Variants in KANSL1L observed in about 807,000 individuals in gnomAD.
KANSL1L encodes KAT8 regulatory NSL complex subunit 1 like.
KANSL1L carries 25 observed loss-of-function variants against 108.6 expected under a neutral mutation model. The ratio of observed to expected loss-of-function variants is 0.23; its 90% confidence interval spans 0.17 to 0.32. The LOEUF (loss-of-function observed/expected upper bound fraction) is 0.32, where lower values mean the gene tolerates loss of function less well. KANSL1L is among the 10% of genes least tolerant of loss of function. KANSL1L has a pLI of 1.00. For synonymous variants in KANSL1L, 405 were observed against 395.1 expected, an observed-to-expected ratio of 1.03 and a Z score of -0.30; for missense variants, 1,137 against 1,125.7, an observed-to-expected ratio of 1.01 and a Z score of -0.14.
chr2:210,066,427 G>C (rs2094467474), intron 6 of KANSL1L, among the ~76,000 whole-genome samples: 1 of 152,198 alleles, frequency 6.6e-6, no homozygotes, highest in South Asian at 2.1e-4. Context: ...AAAACAACGG[G>C]GATAGGCTAC....
intron 5 of KANSL1L, among the ~76,000 whole-genome samples, chr2:210,079,353 T>C (rs1304641394): frequency 2.6e-5 from 4 of 151,686 alleles, no homozygotes; most frequent in Non-Finnish European, 2.9e-5. Context: ...TCCAGCACTT[T>C]GGGAGGCCAA....
At chr2:210,025,248 T>A in intron 12 of KANSL1L, 32 bp from the exon 13 acceptor site, 1 of 1,310,434 alleles carries the variant, frequency 7.6e-7, no homozygotes, top group Non-Finnish European at 1.1e-6. Context: ...TTTGTTTTAA[T>A]CAGAAACATT....
chr2:210,140,014 C>A (rs931245186), intron 2 of KANSL1L, among the ~76,000 whole-genome samples: 3 of 152,022 alleles, frequency 2.0e-5, no homozygotes, highest in Admixed American at 2.0e-4. Flanking sequence ...GGCCACTTTG[C>A]CCATTTTTTA....
At position 210,022,029 on chromosome 2, in the gene KANSL1L, C is replaced by CTGA. The variant is rs772963059; in HGVS notation, c.*917_*919dup. On this transcript the variant is annotated 3_prime_UTR_variant, in exon 15 of 15. Transcript: ENST00000281772. ...TTTTTTTTTTTTTTCAAATTTTATA[C>CTGA]TGATAGGGCTTTACTGTTTGTGGCT... 1 of 141,842 alleles carries CTGA rather than the reference C, an allele frequency of 7.1e-6. No individual in the cohort carries two copies. Among genetic ancestry groups the CTGA allele is most frequent in the African/African-American group, 2.8e-5 (1 of 35,994 alleles). The allele number at this position is 141,842 out of a possible 1,614,324, so 8.8% of individuals were successfully genotyped here.
At chr2:210,037,470 A>G (rs773800256) in intron 8 of KANSL1L, among the ~76,000 whole-genome samples, 6 of 152,124 alleles carry the variant, frequency 3.9e-5, no homozygotes, top group Non-Finnish European at 8.8e-5. Context: ...TGCACATAAT[A>G]CTTATATTTT....
intron 3 of KANSL1L, among the ~76,000 whole-genome samples, chr2:210,126,267 T>G (rs2095064856): frequency 1.3e-5 from 2 of 150,940 alleles, no homozygotes; most frequent in Admixed American, 1.3e-4. Context: ...AACCAAGGAG[T>G]TGATAGACTT....
At chr2:210,150,257 T>C (rs1180093549) in intron 2 of KANSL1L, among the ~76,000 whole-genome samples, 1 of 152,160 alleles carries the variant, frequency 6.6e-6, no homozygotes, top group Non-Finnish European at 1.5e-5. Flanking sequence ...AACCCAATTT[T>C]TTCCAGGTTA....
Position 210,023,192 on chromosome 2 carries a change from A to C in KANSL1L, c.2734-13T>G. On this transcript the variant is annotated splice_polypyrimidine_tract_variant and intron_variant, in intron 14 of 14. Coordinates refer to ENST00000281772, the MANE Select transcript of KANSL1L (RefSeq NM_152519.4). ...CCCACCACAAAGACTGAAAGGGGAAAAATTTTCAGTTAAGTTTCAACTAAC... is the reference window on the plus strand; with the variant it reads ...CCCACCACAAAGACTGAAAGGGGAACAATTTTCAGTTAAGTTTCAACTAAC... The C allele has an allele frequency of 1.2e-6, 2 of 1,600,306 alleles. No individual in the cohort carries two copies. Among genetic ancestry groups the C allele is most frequent in the South Asian group, 2.2e-5 (2 of 90,660 alleles).
intron 2 of KANSL1L, among the ~76,000 whole-genome samples, chr2:210,144,872 T>C (rs1575611140): frequency 2.6e-5 from 4 of 152,326 alleles, no homozygotes; most frequent in Middle Eastern, 6.8e-3. Flanking sequence ...GGTTTTATGA[T>C]TCTTTGGCTT....
At position 210,153,982 on chromosome 2, in the gene KANSL1L, C is replaced by T; in HGVS notation, c.601G>A (p.Val201Ile). The change falls in exon 2 of 15, where the codon GTA becomes ATA. Residue 201 changes from valine (V) to isoleucine (I), a missense_variant. This residue lies in a region of KANSL1L where 556 missense variants were observed against 537.7 expected (regional missense o/e 1.03). Coordinates refer to ENST00000281772, the MANE Select transcript of KANSL1L (RefSeq NM_152519.4). ...ACAGGCACATTTGAGTGGCCAGGTA[C>T]AATTTTCTTTTGAGTACAGTGCAAT... ...GLLHCTQKKIVPGHSNVPVSS... is the reference protein window; with the variant it reads ...GLLHCTQKKIIPGHSNVPVSS... 1 of 1,613,716 alleles carries T rather than the reference C, an allele frequency of 6.2e-7. No individual in the cohort carries two copies. The highest frequency in any genetic ancestry group is 8.5e-7 in the Non-Finnish European group (1 of 1,180,016).
intron 1 of KANSL1L, among the ~76,000 whole-genome samples, chr2:210,164,043 A>C (rs982198306): frequency 6.6e-6 from 1 of 152,186 alleles, no homozygotes; most frequent in African/African-American, 2.4e-5. Context: ...TCCAATAGAA[A>C]TATGAAGTGG....
At chr2:210,164,661 T>G (rs938805686) in intron 1 of KANSL1L, among the ~76,000 whole-genome samples, 2 of 152,050 alleles carry the variant, frequency 1.3e-5, no homozygotes, top group African/African-American at 4.8e-5. Flanking sequence ...TTAAACTTTT[T>G]GTCACAACAC....
intron 6 of KANSL1L, among the ~76,000 whole-genome samples, chr2:210,046,744 G>A (rs954929318): frequency 2.0e-5 from 3 of 152,164 alleles, no homozygotes; most frequent in African/African-American, 7.2e-5. Flanking sequence ...TCAAGGGCCT[G>A]TGGCTCTCCT....
intron 3 of KANSL1L, among the ~76,000 whole-genome samples, chr2:210,126,500 G>A (rs764715005): frequency 2.0e-5 from 3 of 151,956 alleles, no homozygotes; most frequent in Non-Finnish European, 4.4e-5. Flanking sequence ...AGACCTCAAA[G>A]CCAACACAAT....
intron 8 of KANSL1L, among the ~76,000 whole-genome samples, chr2:210,037,923 C>G (rs2094125063): frequency 6.6e-6 from 1 of 152,064 alleles, no homozygotes; most frequent in Non-Finnish European, 1.5e-5. Context: ...TCAAATCAAT[C>G]TCAACAAGGT....
At chr2:210,146,426 A>G (rs1323638858) in intron 2 of KANSL1L, among the ~76,000 whole-genome samples, 2 of 152,218 alleles carry the variant, frequency 1.3e-5, no homozygotes, top group South Asian at 4.1e-4. Flanking sequence ...AGGAAAACAA[A>G]GGTGATCGTT....
intron 4 of KANSL1L, among the ~76,000 whole-genome samples, chr2:210,099,432 C>G (rs1485047665): frequency 1.3e-5 from 2 of 152,012 alleles, no homozygotes; most frequent in Non-Finnish European, 1.5e-5. Context: ...AATATTTTAT[C>G]CCTTCAAAAA....
At chr2:210,132,593 AG>A (rs1374823413) in intron 2 of KANSL1L, among the ~76,000 whole-genome samples, 1 of 152,154 alleles carries the variant, frequency 6.6e-6, no homozygotes, top group South Asian at 2.1e-4. Context: ...TTTAAACTTA[AG>A]TGGTTTTGAA....
chr2:210,170,815 C>A (rs1238809316), intron 1 of KANSL1L, among the ~76,000 whole-genome samples: 1 of 152,188 alleles, frequency 6.6e-6, no homozygotes, highest in Non-Finnish European at 1.5e-5. Context: ...ACGCGCCAGC[C>A]AAAACAAAAG....
Sources: allele counts gnomAD v4.1 joint callset (sites outside exome capture counted in the v4.1 genomes callset), GRCh38; gene constraint gnomAD v4.1.1; regional missense constraint gnomAD v4.1.1; transcripts MANE v1.5; gene names NCBI Gene and HGNC (gene_info 2026-07-23, HGNC 2026-07-21).